SOBP: variants seen among roughly 807,000 people sequenced by gnomAD.
SOBP encodes sine oculis binding protein homolog.
Under a neutral mutation model 53.6 loss-of-function variants are expected in SOBP, and 4 were observed. The ratio of observed to expected loss-of-function variants is 0.07; its 90% CI spans 0.04 to 0.17. SOBP has a LOEUF of 0.17. Ranked by LOEUF, SOBP falls within the 10% of genes least tolerant of loss-of-function variation. The pLI is 1.00. For synonymous variants in SOBP, 584 were observed against 522.6 expected (o/e 1.12, Z -1.60); for missense variants, 1,088 against 1,204.7 (o/e 0.90, Z 1.43).
chr6:107,645,023 G>A (rs1200597947), intron 6 of SOBP, among the ~76,000 whole-genome samples: 1 of 151,996 alleles, frequency 6.6e-6, no homozygotes, highest in Admixed American at 6.6e-5. Context: ...AAAAATTTTT[G>A]GTGGAAAAAC....
At position 107,634,826 on chromosome 6, in the gene SOBP, G is replaced by A. The variant is rs867117792; in HGVS notation, c.1982G>A (p.Arg661Gln). 7.1e-7 allele frequency: 1 copy of A among 1,408,288 alleles called. No individual in the cohort carries two copies. The allele number at this position is 1,408,288 out of a possible 1,614,324, so 87.2% of individuals were successfully genotyped here. A position where few individuals can be genotyped will look rare whatever the true frequency, so the allele number is the denominator to read the frequency against. The change falls in exon 6 of 7, where the codon CGA (arginine) becomes CAA (glutamine). Residue 661 changes from arginine to glutamine, a missense_variant. Around this residue, in one of 6 missense-constraint regions of SOBP, gnomAD observed 665 missense variants for 629.7 expected, o/e 1.06. Coordinates refer to ENST00000317357, the MANE Select transcript of SOBP (RefSeq NM_018013.4). This position sits in a 1 kb window ranked among gnomAD's most constrained non-coding sequence, Gnocchi z 4.5. ...GTCATCGACCTGACCGTGGGCCACC[G>A]AGCCCGGCTGCACAACGTGATCCAC... The part of the protein sequence containing the change: ...DGVIDLTVGH[R>Q]ARLHNVIHRA...
rs1562567450 is a variant in SOBP, at chr6:107,490,328, T to G, written c.-289T>G. 4.0e-5 allele frequency: 6 copies of G among 151,344 alleles called. No individual in the cohort carries two copies. The highest frequency in any genetic ancestry group is 5.7e-5 in the Non-Finnish European group (4 of 70,592). The allele number at this position is 151,344 out of a possible 1,614,324, so 9.4% of individuals were successfully genotyped here. ...CAGCGGCAGCAGCGGCGGCGTTGGC[T>G]GCGGCGGCGGCGGCGGCGGCAGCAG... On this transcript the variant is annotated 5_prime_UTR_variant, in exon 1 of 7. Transcript: ENST00000317357.
At chr6:107,640,386 T>C (rs1583302872) in intron 6 of SOBP, among the ~76,000 whole-genome samples, 1 of 152,312 alleles carries the variant, frequency 6.6e-6, no homozygotes, top group African/African-American at 2.4e-5. Flanking sequence ...TACTTGACTA[T>C]TGGGAATATT....
chr6:107,509,518 T>A (rs755580306), intron 3 of SOBP, among the ~76,000 whole-genome samples: 4 of 152,006 alleles, frequency 2.6e-5, no homozygotes, highest in Non-Finnish European at 5.9e-5. Flanking sequence ...ACATAAATTG[T>A]GCATAAAAAG....
At chr6:107,654,695 G>A (rs1771941155) in intron 6 of SOBP, among the ~76,000 whole-genome samples, 1 of 152,232 alleles carries the variant, frequency 6.6e-6, no homozygotes, top group Non-Finnish European at 1.5e-5. Context: ...AGGCTCTGAG[G>A]GATGGTGGCT....
chr6:107,504,943 A>T (rs1782940478), intron 2 of SOBP, among the ~76,000 whole-genome samples: 1 of 152,248 alleles, frequency 6.6e-6, no homozygotes, highest in Non-Finnish European at 1.5e-5. Context: ...CTTCTGGGGA[A>T]CATACAGCAT....
At position 107,635,200 on chromosome 6, in the gene SOBP, G is replaced by T; in HGVS notation, c.2356G>T (p.Ala786Ser). The T allele has an allele frequency of 6.2e-7, 1 of 1,613,908 alleles. No homozygotes were observed. The highest frequency in any genetic ancestry group is 1.1e-5 in the South Asian group (1 of 91,080). The stretch of plus-strand genomic sequence containing the variant: ...TTCCAACTGCCACCTGGACGGGGAG[G>T]CGGCCAAAAAGCTGATGGGCGAGGA... Reference protein sequence around the residue: ...CASNCHLDGEAAKKLMGEEAL... With the variant: ...CASNCHLDGESAKKLMGEEAL... The change falls in exon 6 of 7, where the codon GCG becomes TCG. Residue 786 changes from alanine to serine, a missense_variant. This residue lies in a region of SOBP where 665 missense variants were observed against 629.7 expected (regional missense o/e 1.06). Transcript: ENST00000317357. The surrounding 1 kb of genome is among the most constrained non-coding windows in gnomAD (Gnocchi z 4.5).
intron 1 of SOBP, among the ~76,000 whole-genome samples, chr6:107,492,009 C>G (rs906355309): frequency 2.0e-5 from 3 of 152,134 alleles, no homozygotes; most frequent in South Asian, 2.1e-4. Flanking sequence ...CAGAAGCAAC[C>G]TAAATATCAG....
intron 4 of SOBP, among the ~76,000 whole-genome samples, chr6:107,582,608 T>C (rs1274630666): frequency 6.6e-6 from 1 of 152,192 alleles, no homozygotes; most frequent in African/African-American, 2.4e-5. Flanking sequence ...GCACCTTTGT[T>C]CTGACAATCA....
intron 1 of SOBP, among the ~76,000 whole-genome samples, chr6:107,494,463 A>G (rs1562569971): frequency 6.6e-6 from 1 of 152,246 alleles, no homozygotes; most frequent in Non-Finnish European, 1.5e-5. Context: ...TTTTGTGCAC[A>G]TAGATCTTTT....
chr6:107,515,257 A>G (rs1235826193), intron 3 of SOBP, among the ~76,000 whole-genome samples: 7 of 152,228 alleles, frequency 4.6e-5, no homozygotes, highest in Non-Finnish European at 7.3e-5. Flanking sequence ...GATGGCTTCA[A>G]TGGTAAATTC....
intron 5 of SOBP, among the ~76,000 whole-genome samples, chr6:107,610,182 T>C (rs1352831099): frequency 1.3e-5 from 2 of 151,980 alleles, no homozygotes; most frequent in East Asian, 3.9e-4. Flanking sequence ...GAGCTGCGAG[T>C]AGAAGGGGAA....
chr6:107,652,947 A>G (rs540016374), intron 6 of SOBP, among the ~76,000 whole-genome samples: 121 of 152,172 alleles, frequency 8.0e-4, no homozygotes, highest in Non-Finnish European at 1.6e-3. Context: ...AGACTACAGT[A>G]TAGTATAAAC....
chr6:107,500,662 C>T (rs1782816169), intron 1 of SOBP, among the ~76,000 whole-genome samples: 1 of 151,706 alleles, frequency 6.6e-6, no homozygotes, highest in East Asian at 2.0e-4. Flanking sequence ...GCTGGGACTA[C>T]AGGCGCCCGC....
intron 5 of SOBP, among the ~76,000 whole-genome samples, chr6:107,605,573 T>C (rs1486291163): frequency 6.6e-6 from 1 of 152,244 alleles, no homozygotes; most frequent in East Asian, 1.9e-4. Flanking sequence ...ACCCACTGTC[T>C]CTGCTGTCTT....
At chr6:107,565,233 A>G (rs1478728255) in intron 4 of SOBP, among the ~76,000 whole-genome samples, 1 of 152,238 alleles carries the variant, frequency 6.6e-6, no homozygotes, top group East Asian at 1.9e-4. Flanking sequence ...AAGAGGTGAC[A>G]TGGACAATCA....
chr6:107,613,271 C>T (rs1015722716), intron 5 of SOBP, among the ~76,000 whole-genome samples: 1 of 152,194 alleles, frequency 6.6e-6, no homozygotes, highest in Non-Finnish European at 1.5e-5. Context: ...CTGCCAAGAT[C>T]AACATTTAGA....
chr6:107,616,376 G>C (rs1185481987), intron 5 of SOBP, among the ~76,000 whole-genome samples: 1 of 152,166 alleles, frequency 6.6e-6, no homozygotes, highest in Non-Finnish European at 1.5e-5. Context: ...TTTGCATTCA[G>C]GTATTTTGCA....
intron 5 of SOBP, among the ~76,000 whole-genome samples, chr6:107,632,513 G>C (rs9400128): frequency 6.6e-6 from 1 of 152,212 alleles, no homozygotes; most frequent in Non-Finnish European, 1.5e-5. Flanking sequence ...GCAAACAAGA[G>C]TCATATTTGA....
Sources: allele counts gnomAD v4.1 joint callset (sites outside exome capture counted in the v4.1 genomes callset), GRCh38; gene constraint gnomAD v4.1.1; regional missense constraint gnomAD v4.1.1; non-coding constraint Gnocchi (gnomAD v3.1); transcripts MANE v1.5; gene names NCBI Gene and HGNC (gene_info 2026-07-23, HGNC 2026-07-21).